The following ZFHX3 variants were observed in gnomAD, a reference collection of about 807,000 sequenced individuals.
ZFHX3 encodes the protein zinc finger homeobox protein 3.
Under a neutral mutation model 279.1 loss-of-function variants are expected in ZFHX3, and 42 were observed. The ratio of observed to expected loss-of-function variants is 0.15; its 90% confidence interval spans 0.12 to 0.19. The LOEUF (loss-of-function observed/expected upper bound fraction) is 0.19. Among genes scored for constraint, ZFHX3 ranks in the 10% least tolerant of loss-of-function variants. The pLI is 1.00. For synonymous variants in ZFHX3, 2,293 were observed against 1,957.8 expected (o/e 1.17, Z -4.52); for missense variants, 4,981 against 4,754.0 (o/e 1.05, Z -1.40).
At chr16:73,511,373 G>A (rs1248350609) in intron 2 of ZFHX3, among the ~76,000 whole-genome samples, 1 of 152,122 alleles carries the variant, frequency 6.6e-6, no homozygotes, top group South Asian at 2.1e-4. Context: ...GGAAATCTAG[G>A]CCAAGACAGT....
intron 8 of ZFHX3, among the ~76,000 whole-genome samples, chr16:73,091,417 G>A (rs1158130020): frequency 6.6e-6 from 1 of 152,096 alleles, no homozygotes; most frequent in African/African-American, 2.4e-5. Flanking sequence ...GAACCCCAGG[G>A]AATCCCTCTT....
chr16:73,042,087 T>A (rs886251791), intron 1 of ZFHX3, among the ~76,000 whole-genome samples: 5 of 152,190 alleles, frequency 3.3e-5, no homozygotes, highest in Non-Finnish European at 7.3e-5. Context: ...TCTACACATA[T>A]GTGGTTTTTA....
intron 3 of ZFHX3, among the ~76,000 whole-genome samples, chr16:73,327,826 G>A (rs964509198): frequency 6.6e-6 from 1 of 152,148 alleles, no homozygotes; most frequent in Admixed American, 6.5e-5. Flanking sequence ...AGACAGTTTT[G>A]TTTCTGTCAT....
chr16:73,207,719 C>T (rs2011861289), intron 5 of ZFHX3, among the ~76,000 whole-genome samples: 1 of 151,924 alleles, frequency 6.6e-6, no homozygotes, highest in Non-Finnish European at 1.5e-5. Flanking sequence ...AACATTTTGT[C>T]CATTAAGTTA....
rs1004300116 is a variant in ZFHX3, at chr16:73,845,689, C to T, written c.-1608+45962G>A. On this transcript the variant is annotated intron_variant, in intron 1 of 17. Transcript: ENST00000641206. ...TCAGGATTTTTCCAACATGCGTTGT[C>T]ATGGATCAAAACCTTCCAGCAACTG... Among the ~76,000 whole-genome samples, 4 of 152,210 alleles carry T rather than the reference C, an allele frequency of 2.6e-5. 1 individual carries two copies. Among genetic ancestry groups the T allele is most frequent in the Admixed American group, 2.6e-4 (4 of 15,282 alleles).
At chr16:73,336,707 G>T (rs1179330228) in intron 3 of ZFHX3, among the ~76,000 whole-genome samples, 2 of 152,092 alleles carry the variant, frequency 1.3e-5, no homozygotes, top group African/African-American at 4.8e-5. Flanking sequence ...ACGTGCACAT[G>T]TGTCTTTAGG....
At chr16:73,869,506 T>C (rs1962110288) in intron 1 of ZFHX3, among the ~76,000 whole-genome samples, 1 of 152,208 alleles carries the variant, frequency 6.6e-6, no homozygotes, top group South Asian at 2.1e-4. Flanking sequence ...TACAAAGGGA[T>C]TGCCCATGCA....
intron 1 of ZFHX3, among the ~76,000 whole-genome samples, chr16:73,790,900 G>A (rs1017703100): frequency 2.6e-5 from 4 of 152,164 alleles, no homozygotes; most frequent in South Asian, 2.1e-4. Context: ...AGAGTAGAGC[G>A]GCTTCCTGAG....
chr16:73,607,307 G>A (rs527414535), intron 2 of ZFHX3, among the ~76,000 whole-genome samples: 28 of 152,308 alleles, frequency 1.8e-4, no homozygotes, highest in African/African-American at 6.3e-4. Flanking sequence ...GATTACAGGC[G>A]TGAGCCACCA....
At position 72,854,097 on chromosome 16, in the gene ZFHX3, TGAG is replaced by T. The variant is rs2037688498; in HGVS notation, c.3449-24241_3449-24239del. 4.6e-5 allele frequency among the ~76,000 whole-genome samples: 7 copies of T among 152,344 alleles called. No homozygotes were observed. The South Asian group carries it at 1.5e-3, about 32-fold the overall frequency. Reference sequence around the variant, plus strand: ...TCCAGCATTTGCACAATCTGTCCCATGAGGAGAGCAGAAGTAAGCGAAGCAATT... The same window carrying T: ...TCCAGCATTTGCACAATCTGTCCCATGAGAGCAGAAGTAAGCGAAGCAATT... On this transcript the variant is annotated intron_variant, in intron 4 of 9. Transcript: ENST00000268489.
intron 5 of ZFHX3, among the ~76,000 whole-genome samples, chr16:73,169,062 T>C (rs1267891146): frequency 1.3e-5 from 2 of 152,176 alleles, no homozygotes; most frequent in East Asian, 3.8e-4. Flanking sequence ...TGCAATAAGG[T>C]TAGGGTGTTG....
chr16:73,301,425 T>A (rs1015945534), intron 4 of ZFHX3, among the ~76,000 whole-genome samples: 5 of 152,198 alleles, frequency 3.3e-5, no homozygotes, highest in Admixed American at 6.5e-5. Flanking sequence ...GATGATTTTT[T>A]ACTGTAGGGG....
At chr16:72,819,359 A>G (rs1253295440) in intron 5 of ZFHX3, among the ~76,000 whole-genome samples, 1 of 152,116 alleles carries the variant, frequency 6.6e-6, no homozygotes, top group East Asian at 1.9e-4. Context: ...CTGTCTAGTT[A>G]AGAAGTCGAT....
At position 72,794,836 on chromosome 16, in the gene ZFHX3, T is replaced by C. The variant is rs758323443; in HGVS notation, c.7846A>G (p.Arg2616Gly). 5.0e-6 allele frequency: 8 copies of C among 1,614,060 alleles called. No individual in the cohort carries two copies. In the South Asian group the frequency reaches 8.8e-5, roughly 18 times the overall value. ...TPTSTMNTLK[R>G]KLEEKASASP... ...GCACTGGCCTTTTCCTCCAGCTTCC[T>C]CTTGAGAGTGTTCATTGTGGAGGTT... Residue 2616 changes from arginine (R) to glycine (G), a missense_variant, in exon 9 of 10, where the codon AGG becomes GGG. Physicochemically the swap from Arg to Gly is moderately radical, Grantham distance 125. This residue lies in a region of ZFHX3 where 744 missense variants were observed against 701.3 expected (regional missense o/e 1.06). Transcript: ENST00000268489. This position sits in a 1 kb window ranked among gnomAD's most constrained non-coding sequence, Gnocchi z 4.2.
chr16:73,841,619 A>G (rs886440303), intron 1 of ZFHX3, among the ~76,000 whole-genome samples: 4 of 152,128 alleles, frequency 2.6e-5, no homozygotes, highest in African/African-American at 9.7e-5. Context: ...ACGGACCACT[A>G]TCTCCTCCCC....
chr16:73,860,862 G>A (rs768526480), intron 1 of ZFHX3, among the ~76,000 whole-genome samples: 1 of 151,942 alleles, frequency 6.6e-6, no homozygotes, highest in Non-Finnish European at 1.5e-5. Flanking sequence ...CCCACTCACC[G>A]TTTTCTCCAC....
intron 3 of ZFHX3, among the ~76,000 whole-genome samples, chr16:72,944,352 A>ATG (rs146603508): frequency 6.6e-6 from 1 of 152,168 alleles, no homozygotes; most frequent in East Asian, 1.9e-4. Context: ...AATGAACAGT[A>ATG]TGTGTGTGTG....
At position 73,665,375 on chromosome 16, in the gene ZFHX3, A is replaced by G. The variant is rs550017415; in HGVS notation, c.-1547+14805T>C. On this transcript the variant is annotated intron_variant, in intron 2 of 17. Coordinates refer to the ZFHX3 transcript ENST00000641206. ...ATTACAGGCTCCAGCCACCATGCCC[A>G]GCTAATTTTTGTATTTTTAGTAGAG... Among the ~76,000 whole-genome samples, 724 of 151,270 alleles carry G rather than the reference A, an allele frequency of 4.8e-3. 9 individuals carry two copies. Among genetic ancestry groups the G allele is most frequent in the African/African-American group, 0.017 (678 of 40,800 alleles).
intron 2 of ZFHX3, among the ~76,000 whole-genome samples, chr16:73,511,533 AT>A (rs1430933050): frequency 6.6e-6 from 1 of 152,236 alleles, no homozygotes; most frequent in Non-Finnish European, 1.5e-5. Context: ...GGAAACGGTC[AT>A]TACAAATATG....
Sources: gnomAD v4.1 joint callset for allele counts (sites outside exome capture counted in the v4.1 genomes callset) on GRCh38, gnomAD v4.1.1 for gene constraint, gnomAD v4.1.1 regional missense constraint, Gnocchi (gnomAD v3.1) non-coding constraint, MANE v1.5 for transcripts, NCBI Gene and HGNC (gene_info 2026-07-23, HGNC 2026-07-21) for gene names.